Variants in PAK1 observed in about 807,000 individuals in gnomAD.
PAK1 encodes p21 (RAC1) activated kinase 1, also known as serine/threonine-protein kinase PAK 1.
In PAK1, 29 loss-of-function variants were observed where a neutral mutation model predicts 67.4. The ratio of observed to expected loss-of-function variants is 0.43; its 90% CI spans 0.32 to 0.59. The LOEUF (loss-of-function observed/expected upper bound fraction) is 0.59. PAK1 is among the 20% of genes least tolerant of loss of function. The probability of loss-of-function intolerance (pLI) is 0.07; values close to 1 mark genes in which losing one functional copy is unlikely to be tolerated. For synonymous variants in PAK1, 223 were observed against 237.4 expected (o/e 0.94, Z 0.56); for missense variants, 337 against 670.7 (o/e 0.50, Z 5.50).
At chr11:77,389,672 A>G (rs1482007009) in intron 2 of PAK1, among the ~76,000 whole-genome samples, 1 of 152,168 alleles carries the variant, frequency 6.6e-6, no homozygotes, top group Non-Finnish European at 1.5e-5. Flanking sequence ...AGATATGTCT[A>G]TTTAGATATT....
the PAK1 span, among the ~76,000 whole-genome samples, chr11:77,500,194 T>C: frequency 0.78 from 119,215 of 152,204 alleles, 47,846 homozygotes; most frequent in African/African-American, 0.94. Context: ...ATAAACCGGG[T>C]GCGGTGGCTC....
chr11:77,384,109 C>A (rs1201892830), intron 2 of PAK1, among the ~76,000 whole-genome samples: 1 of 152,134 alleles, frequency 6.6e-6, no homozygotes, highest in Non-Finnish European at 1.5e-5. Context: ...GTTAGCCAGA[C>A]CGAGATGGGA....
At chr11:77,357,725 C>A (rs1453342) in intron 6 of PAK1, among the ~76,000 whole-genome samples, 4,906 of 152,160 alleles carry the variant, frequency 0.032, 129 homozygotes, top group African/African-American at 0.074. Context: ...TTAGGAATTA[C>A]CAATACCTTT....
Position 77,322,524 on chromosome 11 carries a change from G to T in PAK1, c.*750C>A, listed in dbSNP as rs1206096668. On this transcript the variant is annotated 3_prime_UTR_variant, in exon 15 of 15. Coordinates refer to ENST00000356341, the MANE Select transcript of PAK1 (RefSeq NM_002576.5). ...GACTTCTCAACACTGCTCTCACTCA[G>T]TATGTGCCCTAGAAAACCTCTCAAT... 5.1e-6 allele frequency: 1 copy of T among 194,972 alleles called. No homozygotes were observed. The highest frequency in any genetic ancestry group is 1.1e-5 in the Non-Finnish European group (1 of 93,332). 12.1% of individuals were successfully genotyped at this position (194,972 alleles called of 1,614,324 possible).
At chr11:77,457,179 T>G (rs1592544710) in intron 1 of PAK1, among the ~76,000 whole-genome samples, 1 of 152,244 alleles carries the variant, frequency 6.6e-6, no homozygotes, top group East Asian at 1.9e-4. Context: ...AGCAGAGATT[T>G]TAACAGCTAC....
the PAK1 span, among the ~76,000 whole-genome samples, chr11:77,486,178 A>C: frequency 6.6e-6 from 1 of 152,078 alleles, no homozygotes; most frequent in Non-Finnish European, 1.5e-5. Context: ...AAGTGATCCT[A>C]GTCTAAGATA....
intron 13 of PAK1, among the ~76,000 whole-genome samples, chr11:77,333,071 A>G (rs1263973466): frequency 6.6e-6 from 1 of 152,196 alleles, no homozygotes; most frequent in Non-Finnish European, 1.5e-5. Flanking sequence ...CCCTGTCTGT[A>G]AAGTAGGGAT....
At chr11:77,324,027 A>C (rs1939050240) in intron 14 of PAK1, among the ~76,000 whole-genome samples, 1 of 152,204 alleles carries the variant, frequency 6.6e-6, no homozygotes, top group Non-Finnish European at 1.5e-5. Context: ...TTCAGTAAAA[A>C]GTTCAGTAGC....
At chr11:77,429,775 G>A (rs143641075) in intron 1 of PAK1, among the ~76,000 whole-genome samples, 196 of 152,248 alleles carry the variant, frequency 1.3e-3, no homozygotes, top group African/African-American at 4.5e-3. Context: ...AAAGACAGTC[G>A]GACAATTGGC....
At chr11:77,379,846 A>G (rs201811090) in intron 3 of PAK1, 48 bp downstream of exon 3, 9 of 1,253,428 alleles carry the variant, frequency 7.2e-6, no homozygotes, top group Non-Finnish European at 1.0e-5. Flanking sequence ...AACAGTGCAC[A>G]GCCAGAACTC....
intron 4 of PAK1, among the ~76,000 whole-genome samples, chr11:77,375,482 A>G (rs936658626): frequency 2.0e-5 from 3 of 152,204 alleles, no homozygotes; most frequent in Non-Finnish European, 2.9e-5. Context: ...AATAGAATCA[A>G]GCTCCCTCAA....
Position 77,399,439 on chromosome 11 carries a change from C to T in PAK1, c.-21-6898G>A, listed in dbSNP as rs371480333. On this transcript the variant is annotated intron_variant, in intron 1 of 14. Coordinates refer to ENST00000356341, the MANE Select transcript of PAK1 (RefSeq NM_002576.5). Reference sequence around the variant, plus strand: ...TAGGTCAGACTAGTGGTCTTTAACTCTAGGCTATTAGAATCCCCTGTGAGC... The same window carrying T: ...TAGGTCAGACTAGTGGTCTTTAACTTTAGGCTATTAGAATCCCCTGTGAGC... 1.4e-4 allele frequency among the ~76,000 whole-genome samples: 22 copies of T among 152,254 alleles called. No homozygotes were observed. In the East Asian group the frequency reaches 4.1e-3, roughly 28 times the overall value.
intron 1 of PAK1, among the ~76,000 whole-genome samples, chr11:77,438,521 G>A (rs1482276350): frequency 6.6e-6 from 1 of 152,216 alleles, no homozygotes; most frequent in East Asian, 1.9e-4. Flanking sequence ...ACCTTCTCGT[G>A]TTAGGCTGAA....
intron 3 of PAK1, 65 bp from the exon 4 acceptor site, chr11:77,379,453 G>A (rs2137083985): frequency 6.6e-7 from 1 of 1,507,296 alleles, no homozygotes; most frequent in East Asian, 2.3e-5. Context: ...AAGAACATCA[G>A]AGCTAACTTT....
the PAK1 span, among the ~76,000 whole-genome samples, chr11:77,482,055 C>G: frequency 6.6e-6 from 1 of 152,022 alleles, no homozygotes; most frequent in Non-Finnish European, 1.5e-5. Flanking sequence ...GTGGCACGAT[C>G]TTGGCTCACT....
At chr11:77,484,991 C>T in the PAK1 span, among the ~76,000 whole-genome samples, 89 of 152,226 alleles carry the variant, frequency 5.8e-4, no homozygotes, top group African/African-American at 2.0e-3. Flanking sequence ...GAAAACTCCC[C>T]GTTATAATAC....
chr11:77,359,916 G>A (rs1400019415), intron 5 of PAK1, among the ~76,000 whole-genome samples: 1 of 152,096 alleles, frequency 6.6e-6, no homozygotes, highest in African/African-American at 2.4e-5. Flanking sequence ...AATATATACT[G>A]ATATAATTCA....
intron 1 of PAK1, among the ~76,000 whole-genome samples, chr11:77,400,344 G>A (rs891538100): frequency 6.6e-6 from 1 of 152,126 alleles, no homozygotes; most frequent in Non-Finnish European, 1.5e-5. Context: ...TAGAGCACTA[G>A]ACAGAAAAAT....
intron 1 of PAK1, among the ~76,000 whole-genome samples, chr11:77,400,863 T>C (rs1300567937): frequency 6.6e-6 from 1 of 152,220 alleles, no homozygotes; most frequent in Non-Finnish European, 1.5e-5. Context: ...CATGAAGTGC[T>C]GAAGACAGAA....
Sources: allele counts gnomAD v4.1 joint callset (sites outside exome capture counted in the v4.1 genomes callset), GRCh38; gene constraint gnomAD v4.1.1; transcripts MANE v1.5; gene names NCBI Gene and HGNC (gene_info 2026-07-23, HGNC 2026-07-21).